GRIK4: variants seen among roughly 807,000 people sequenced by gnomAD.
The protein encoded by GRIK4 is glutamate receptor ionotropic, kainate 4.
In GRIK4, 40 loss-of-function variants were observed where a neutral mutation model predicts 104.9. The observed-to-expected ratio is 0.38, with a 90% CI of 0.30 to 0.50. GRIK4 has a LOEUF of 0.50. Among genes scored for constraint, GRIK4 ranks in the 20% least tolerant of loss-of-function variants. The pLI is 0.93. For synonymous variants in GRIK4, 485 were observed against 524.9 expected, an observed-to-expected ratio of 0.92 and a Z score of 1.04; for missense variants, 1,047 against 1,308.1, an observed-to-expected ratio of 0.80 and a Z score of 3.08.
chr11:120,619,882 T>C, intron 1 of GRIK4: 1 of 233,910 alleles, frequency 4.3e-6, no homozygotes, highest in Admixed American at 5.7e-5. Context: ...ATTTCTTTTT[T>C]TTTTTTTAAT....
chr11:120,928,995 G>A (rs918304637), intron 13 of GRIK4, among the ~76,000 whole-genome samples: 5 of 147,628 alleles, frequency 3.4e-5, no homozygotes, highest in Non-Finnish European at 1.5e-5. Context: ...GTGTGCGCGC[G>A]TGCACGCGTG....
intron 11 of GRIK4, among the ~76,000 whole-genome samples, chr11:120,898,186 C>T (rs553772215): frequency 2.6e-5 from 4 of 152,318 alleles, no homozygotes; most frequent in African/African-American, 7.2e-5. Context: ...AAAAGAACTC[C>T]GCAGCCCATC....
At chr11:120,935,420 C>T (rs1041167536) in intron 13 of GRIK4, among the ~76,000 whole-genome samples, 10 of 151,388 alleles carry the variant, frequency 6.6e-5, no homozygotes, top group African/African-American at 2.0e-4. Context: ...TGTGGTGGTG[C>T]ACACCTGTAT....
chr11:120,766,945 G>T (rs1449789304), intron 3 of GRIK4, among the ~76,000 whole-genome samples: 1 of 151,926 alleles, frequency 6.6e-6, no homozygotes, highest in Non-Finnish European at 1.5e-5. Flanking sequence ...TTATCCATTT[G>T]TCTGCCAATG....
chr11:120,804,298 C>T (rs1403473856), intron 4 of GRIK4, among the ~76,000 whole-genome samples: 1 of 152,242 alleles, frequency 6.6e-6, no homozygotes, highest in African/African-American at 2.4e-5. Context: ...GTTCTTCCAT[C>T]TGAGGATCCA....
At chr11:120,931,885 A>G (rs1461463846) in intron 13 of GRIK4, among the ~76,000 whole-genome samples, 1 of 152,094 alleles carries the variant, frequency 6.6e-6, no homozygotes, top group Non-Finnish European at 1.5e-5. Context: ...ATCTTACAGC[A>G]TGCTCCTGGC....
chr11:120,578,344 G>A (rs1313937276), intron 1 of GRIK4, among the ~76,000 whole-genome samples: 2 of 152,198 alleles, frequency 1.3e-5, no homozygotes, highest in Non-Finnish European at 2.9e-5. Flanking sequence ...GGGCCCTTGG[G>A]CTGAGATGCT....
intron 13 of GRIK4, among the ~76,000 whole-genome samples, chr11:120,923,363 T>TA: frequency 6.6e-6 from 1 of 151,460 alleles, no homozygotes; most frequent in East Asian, 1.9e-4. Context: ...AACGAACACT[T>TA]ACTGAGCACT....
At chr11:120,686,005 C>T (rs1457281005) in intron 3 of GRIK4, among the ~76,000 whole-genome samples, 2 of 152,086 alleles carry the variant, frequency 1.3e-5, no homozygotes, top group African/African-American at 4.8e-5. Context: ...TAGATTTCAG[C>T]TGAGGGATGT....
chr11:120,937,194 A>G (rs1943616516), intron 13 of GRIK4, among the ~76,000 whole-genome samples: 1 of 152,100 alleles, frequency 6.6e-6, no homozygotes, highest in African/African-American at 2.4e-5. Context: ...GTGCACCACC[A>G]TGCCCAGCTA....
chr11:120,689,246 C>T (rs561637736), intron 3 of GRIK4, among the ~76,000 whole-genome samples: 25 of 152,120 alleles, frequency 1.6e-4, no homozygotes, highest in Non-Finnish European at 2.5e-4. Context: ...TTACCCTCGT[C>T]GAGCCTTCAT....
At chr11:120,787,947 C>A (rs937466222) in intron 3 of GRIK4, among the ~76,000 whole-genome samples, 2 of 138,758 alleles carry the variant, frequency 1.4e-5, no homozygotes, top group African/African-American at 2.7e-5. Flanking sequence ...ACAGCAGCAA[C>A]CTCCGCCTCC....
chr11:120,719,345 G>A (rs903584392), intron 3 of GRIK4, among the ~76,000 whole-genome samples: 5 of 152,194 alleles, frequency 3.3e-5, no homozygotes, highest in African/African-American at 9.7e-5. Context: ...TGTGTGTGAG[G>A]GGTTAACCAG....
intron 13 of GRIK4, among the ~76,000 whole-genome samples, chr11:120,917,247 C>CAAAAAAAAA (rs199620498): frequency 8.9e-4 from 31 of 34,672 alleles, no homozygotes; most frequent in Admixed American, 1.1e-3. Flanking sequence ...AACTCCGTCT[C>CAAAAAAAAA]AAAAAAAAAA....
At chr11:120,959,015 GA>G (rs912616783) in intron 16 of GRIK4, among the ~76,000 whole-genome samples, 8 of 152,284 alleles carry the variant, frequency 5.3e-5, no homozygotes, top group African/African-American at 1.9e-4. Context: ...AAGGCAGAAG[GA>G]GGCAGCCAGG....
At chr11:120,667,474 C>T (rs11217951) in intron 3 of GRIK4, among the ~76,000 whole-genome samples, 20,491 of 152,332 alleles carry the variant, frequency 0.13, 1,510 homozygotes, top group South Asian at 0.24. Context: ...GCGTGTGCAT[C>T]GCTGGAGCCA....
intron 1 of GRIK4, among the ~76,000 whole-genome samples, chr11:120,585,951 G>A (rs1164415112): frequency 6.6e-6 from 1 of 152,100 alleles, no homozygotes; most frequent in Admixed American, 6.5e-5. Flanking sequence ...AGCACCTTTA[G>A]CAGTTGGGAA....
intron 11 of GRIK4, among the ~76,000 whole-genome samples, chr11:120,888,244 T>G (rs79350231): frequency 0.022 from 3,401 of 152,142 alleles, 118 homozygotes; most frequent in African/African-American, 0.076. Flanking sequence ...ATAGAATTAA[T>G]ATCTATTAGT....
chr11:120,967,260 A>G lies in GRIK4; in HGVS notation c.2332A>G (p.Ile778Val), dbSNP rs1386279804. The G allele has an allele frequency of 1.9e-6, 3 of 1,613,798 alleles. No homozygotes were observed. The highest frequency in any genetic ancestry group is 2.5e-6 in the Non-Finnish European group (3 of 1,179,830). The change falls in exon 19 of 21, where the codon ATC (isoleucine) becomes GTC (valine). Residue 778 changes from isoleucine (I) to valine (V), a missense_variant. Around this residue, in one of 3 missense-constraint regions of GRIK4, gnomAD observed 440 missense variants for 652.3 expected, o/e 0.67. Coordinates refer to ENST00000527524, the MANE Select transcript of GRIK4 (RefSeq NM_014619.5). The surrounding 1 kb of genome is among the most constrained non-coding windows in gnomAD (Gnocchi z 4.2). ...LQLQENNRLE[I>V]LKRKWWEGGK... ...GCTGCAGGAGAACAACCGCCTGGAG[A>G]TCCTGAAGCGCAAATGGTGGGAAGG...
Sources: gnomAD v4.1 joint callset for allele counts (sites outside exome capture counted in the v4.1 genomes callset) on GRCh38, gnomAD v4.1.1 for gene constraint, gnomAD v4.1.1 regional missense constraint, Gnocchi (gnomAD v3.1) non-coding constraint, MANE v1.5 for transcripts, NCBI Gene and HGNC (gene_info 2026-07-23, HGNC 2026-07-21) for gene names.